The following TUSC3 variants were observed in gnomAD, a reference collection of about 807,000 sequenced individuals.
TUSC3 encodes dolichyl-diphosphooligosaccharide--protein glycosyltransferase subunit TUSC3.
TUSC3 carries 45 observed loss-of-function variants against 44.8 expected under a neutral mutation model. That is an observed-to-expected ratio of 1.00 (90% CI 0.79 to 1.29). The LOEUF (loss-of-function observed/expected upper bound fraction) is 1.29, where lower values mean the gene tolerates loss of function less well. TUSC3 is among the 50% of genes most tolerant of loss of function. The pLI, the probability that TUSC3 is intolerant of heterozygous loss-of-function variation, is 0.00. For synonymous variants in TUSC3, 212 were observed against 152.9 expected (o/e 1.39, Z -2.85); for missense variants, 519 against 437.9 (o/e 1.19, Z -1.65).
At chr8:15,489,373 A>G (rs1800776794) in intron 2 of TUSC3, among the ~76,000 whole-genome samples, 1 of 152,174 alleles carries the variant, frequency 6.6e-6, no homozygotes, top group Non-Finnish European at 1.5e-5. Flanking sequence ...TATTATGCAG[A>G]TGAAGTCTCA....
At chr8:15,561,959 ATCT>A (rs540754031) in intron 1 of TUSC3, among the ~76,000 whole-genome samples, 108 of 152,208 alleles carry the variant, frequency 7.1e-4, no homozygotes, top group African/African-American at 2.5e-3. Flanking sequence ...AGAAATCACC[ATCT>A]TCTGCGTTGC....
In TUSC3 at chr8:15,540,532, C is replaced by G. The variant is rs997717111; in HGVS notation, c.102C>G (p.Leu34=). The change falls in exon 1 of 11, where the codon CTC becomes CTG. Residue 34 remains leucine, a synonymous_variant. Transcript: ENST00000503731. The stretch of plus-strand genomic sequence containing the variant: ...CCTTCCTTCTCCTGCTGCTGCTGCT[C>G]TGCATCCAGCTCGGGGGAGGACAGA... The part of the protein sequence containing the change: ...SFPFLLLLLL[L]CIQLGGGQKK... The G allele has an allele frequency of 2.5e-6, 4 of 1,604,166 alleles. No homozygotes were observed. Among genetic ancestry groups the G allele is most frequent in the Non-Finnish European group, 2.6e-6 (3 of 1,176,020 alleles).
At chr8:15,477,054 C>G (rs1448848699) in intron 1 of TUSC3, among the ~76,000 whole-genome samples, 5 of 152,208 alleles carry the variant, frequency 3.3e-5, no homozygotes, top group Admixed American at 1.3e-4. Flanking sequence ...GATTTTCCAT[C>G]TGACACTCAT....
chr8:15,684,712 C>G (rs1208582235), intron 6 of TUSC3, among the ~76,000 whole-genome samples: 1 of 152,186 alleles, frequency 6.6e-6, no homozygotes, highest in Non-Finnish European at 1.5e-5. Context: ...TGCTTCCCCA[C>G]TCAAGCTAAG....
Position 15,646,388 on chromosome 8 carries a change from G to A in TUSC3, c.309-4309G>A, listed in dbSNP as rs191422594. ...TTATCTTCATTATGTACGTAGTGGG[G>A]AACATTTTTGGACTTTAGAATAGAG... is the stretch of plus-strand genomic sequence containing the variant. On this transcript the variant is annotated intron_variant, in intron 2 of 10. Transcript: ENST00000503731. Among the ~76,000 whole-genome samples, 28 of 152,126 alleles carry A rather than the reference G, an allele frequency of 1.8e-4. No homozygotes were observed. In the East Asian group the frequency reaches 4.1e-3, roughly 22 times the overall value.
At chr8:15,589,114 A>T (rs113234073) in intron 1 of TUSC3, among the ~76,000 whole-genome samples, 1 of 152,294 alleles carries the variant, frequency 6.6e-6, no homozygotes, top group Middle Eastern at 3.4e-3. Context: ...TGTTTGTCAG[A>T]TACAAATATA....
chr8:15,503,853 T>C (rs1276453347), intron 2 of TUSC3, among the ~76,000 whole-genome samples: 3 of 151,248 alleles, frequency 2.0e-5, no homozygotes, highest in African/African-American at 7.3e-5. Flanking sequence ...AATACAAAAA[T>C]GGTAATGGCT....
rs139731827 is a variant in TUSC3 at position 15,724,844 on chromosome 8, G to T, written c.799-5822G>T. ...TGCATAAAACTGCATGACAAAATTGGACTGAAAGAATTCATATAGTTAGTG... is the reference window on the plus strand; with the variant it reads ...TGCATAAAACTGCATGACAAAATTGTACTGAAAGAATTCATATAGTTAGTG... On this transcript the variant is annotated intron_variant, in intron 6 of 10. Coordinates refer to ENST00000503731, the MANE Select transcript of TUSC3 (RefSeq NM_006765.4). Among the ~76,000 whole-genome samples, 402 of 152,274 alleles carry T rather than the reference G, an allele frequency of 2.6e-3. 2 individuals carry two copies. The highest frequency in any genetic ancestry group is 9.3e-3 in the African/African-American group (386 of 41,564).
intron 2 of TUSC3, among the ~76,000 whole-genome samples, chr8:15,533,285 T>C (rs555589434): frequency 1.3e-5 from 2 of 152,268 alleles, no homozygotes; most frequent in African/African-American, 4.8e-5. Flanking sequence ...GCATGAAAAT[T>C]GATTAATACA....
intron 2 of TUSC3, among the ~76,000 whole-genome samples, chr8:15,638,749 C>A (rs549006934): frequency 6.6e-6 from 1 of 152,106 alleles, no homozygotes; most frequent in Non-Finnish European, 1.5e-5. Flanking sequence ...TGGTCTCAAC[C>A]TCCCAACCTC....
intron 1 of TUSC3, among the ~76,000 whole-genome samples, chr8:15,622,834 T>C (rs1255684410): frequency 6.6e-6 from 1 of 152,020 alleles, no homozygotes; most frequent in African/African-American, 2.4e-5. Flanking sequence ...CAACCCCCAT[T>C]GGCATTCTTG....
rs73665496 is a variant in TUSC3 at position 15,747,241 on chromosome 8, T to A, written c.938-1134T>A. On this transcript the variant is annotated intron_variant, in intron 8 of 10. Coordinates refer to ENST00000503731, the MANE Select transcript of TUSC3 (RefSeq NM_006765.4). ...TTTTAAAAATCATAGTTCCTTATTATAGAATCATATAGATCTGTTTGATTT... is the reference window on the plus strand; with the variant it reads ...TTTTAAAAATCATAGTTCCTTATTAAAGAATCATATAGATCTGTTTGATTT... Among the ~76,000 whole-genome samples, 683 of 152,216 alleles carry A rather than the reference T, an allele frequency of 4.5e-3. 4 individuals are homozygous for A. The highest frequency in any genetic ancestry group is 0.016 in the African/African-American group (658 of 41,580).
chr8:15,703,084 C>G (rs1263149655), intron 6 of TUSC3, among the ~76,000 whole-genome samples: 1 of 152,070 alleles, frequency 6.6e-6, no homozygotes, highest in Non-Finnish European at 1.5e-5. Context: ...TGCTGAGATT[C>G]TTTCATGTTG....
At chr8:15,685,758 A>G (rs1023657938) in intron 6 of TUSC3, among the ~76,000 whole-genome samples, 2 of 152,168 alleles carry the variant, frequency 1.3e-5, no homozygotes, top group Non-Finnish European at 2.9e-5. Flanking sequence ...TTCTGATTCT[A>G]TCTTTAATAG....
intron 1 of TUSC3, among the ~76,000 whole-genome samples, chr8:15,586,169 G>A (rs535620361): frequency 6.6e-6 from 1 of 152,290 alleles, no homozygotes; most frequent in East Asian, 1.9e-4. Context: ...CCTGTTAAAA[G>A]GTCATTTTTA....
chr8:15,793,744 C>T, the TUSC3 span, among the ~76,000 whole-genome samples: 2 of 152,022 alleles, frequency 1.3e-5, no homozygotes, highest in African/African-American at 2.4e-5. Flanking sequence ...TGTTTTATCC[C>T]CAAAATGTGG....
At chr8:15,657,453 G>T (rs1807223626) in intron 3 of TUSC3, among the ~76,000 whole-genome samples, 1 of 152,178 alleles carries the variant, frequency 6.6e-6, no homozygotes, top group Admixed American at 6.5e-5. Flanking sequence ...GTTCTTTGCA[G>T]TTTGTAAGAA....
intron 1 of TUSC3, among the ~76,000 whole-genome samples, chr8:15,463,222 A>G (rs1247341870): frequency 6.6e-6 from 1 of 152,088 alleles, no homozygotes; most frequent in Non-Finnish European, 1.5e-5. Context: ...TTTACTACAA[A>G]TTACTTAGCA....
rs571920204 is a variant in TUSC3, at chr8:15,525,070, T to A, written n.189+41587T>A. Among the ~76,000 whole-genome samples, 20 of 152,312 alleles carry A rather than the reference T, an allele frequency of 1.3e-4. No homozygotes were observed. The South Asian group carries it at 3.3e-3, about 25-fold the overall frequency. ...AACTCTCAAGGTAAAAGGGAAAGTA[T>A]GTATACTAGGTTTTCTTAAAGATGT... is the stretch of plus-strand genomic sequence containing the variant. On this transcript the variant is annotated intron_variant and non_coding_transcript_variant, in intron 2 of 5. Transcript: ENST00000503191.
Sources: allele counts gnomAD v4.1 joint callset (sites outside exome capture counted in the v4.1 genomes callset), GRCh38; gene constraint gnomAD v4.1.1; transcripts MANE v1.5; gene names NCBI Gene and HGNC (gene_info 2026-07-23, HGNC 2026-07-21).